Variants in ARHGAP8 observed in about 807,000 individuals in gnomAD.
The protein encoded by ARHGAP8 is Rho GTPase activating protein 8, also known as rho GTPase-activating protein 8.
ARHGAP8 carries 62 observed loss-of-function variants against 46.1 expected under a neutral mutation model. The ratio of observed to expected loss-of-function variants is 1.34; its 90% CI spans 1.10 to 1.66. The LOEUF (loss-of-function observed/expected upper bound fraction) is 1.66, where lower values mean the gene tolerates loss of function less well. ARHGAP8 is among the 40% of genes most tolerant of loss of function. The pLI is 0.00. For missense variants in ARHGAP8, 923 were observed against 568.4 expected (o/e 1.62, Z -6.34); for synonymous variants, 375 against 243.1 (o/e 1.54, Z -5.05).
Position 44,859,832 on chromosome 22 carries a change from G to A in ARHGAP8, c.979G>A (p.Ala327Thr), listed in dbSNP as rs769372407. 28 of 1,613,434 alleles carry A rather than the reference G, an allele frequency of 1.7e-5. No homozygotes were observed. The highest frequency in any genetic ancestry group is 4.0e-5 in the African/African-American group (3 of 75,048). ...VLRYLMGFLH[A>T]VSRESIFNKM... ...CCGCTACCTCATGGGCTTCCTGCAT[G>A]CGGTGAGTGGGGAAGGGGGGAGCTT... Residue 327 changes from alanine (A) to threonine (T), a missense_variant and splice_region_variant, in exon 11 of 12, where the codon GCG becomes ACG. By Grantham distance (58) the Ala-to-Thr change is moderately conservative. Transcript: ENST00000356099.
chr22:44,826,904 T>C (rs1930561215), intron 7 of ARHGAP8, among the ~76,000 whole-genome samples: 1 of 152,186 alleles, frequency 6.6e-6, no homozygotes, highest in Non-Finnish European at 1.5e-5. Flanking sequence ...TGTTTCTTTC[T>C]TGGCCAAGAG....
At chr22:44,853,654 T>A (rs918301388) in intron 10 of ARHGAP8, among the ~76,000 whole-genome samples, 3 of 152,214 alleles carry the variant, frequency 2.0e-5, no homozygotes, top group African/African-American at 7.2e-5. Flanking sequence ...TCTTTTTAAG[T>A]CTACCTTGCT....
intron 2 of ARHGAP8, among the ~76,000 whole-genome samples, chr22:44,790,404 C>T (rs1184574521): frequency 6.6e-6 from 1 of 151,856 alleles, no homozygotes; most frequent in Non-Finnish European, 1.5e-5. Flanking sequence ...ACCTACAGGC[C>T]ATGGTTCATG....
chr22:44,815,996 G>A (rs937115462), intron 5 of ARHGAP8, among the ~76,000 whole-genome samples: 18 of 152,318 alleles, frequency 1.2e-4, no homozygotes, highest in Middle Eastern at 3.4e-3. Context: ...AGGTGAGGTG[G>A]CTGCCTCTGT....
At position 44,796,081 on chromosome 22, in the gene ARHGAP8, C is replaced by G. The variant is rs554190960; in HGVS notation, c.80-5996C>G. 4.0e-3 allele frequency among the ~76,000 whole-genome samples: 612 copies of G among 152,296 alleles called. 1 individual carries two copies. Among genetic ancestry groups the G allele is most frequent in the African/African-American group, 0.014 (579 of 41,548 alleles). On this transcript the variant is annotated intron_variant, in intron 2 of 11. Coordinates refer to ENST00000356099, the MANE Select transcript of ARHGAP8 (RefSeq NM_181335.3). ...AGACCTCAGTCCTTGCCCTGGCGAC[C>G]TTGACCCTCCCTCCCATTTGGGTCC...
intron 1 of ARHGAP8, among the ~76,000 whole-genome samples, chr22:44,764,402 C>T (rs915970412): frequency 5.3e-5 from 8 of 152,246 alleles, no homozygotes; most frequent in African/African-American, 1.9e-4. Flanking sequence ...CAGCCACGTC[C>T]TGGTGCCATA....
At chr22:44,801,869 G>A (rs11704704) in intron 2 of ARHGAP8, 109,113 of 594,234 alleles carry the variant, frequency 0.18, 11,845 homozygotes, top group Middle Eastern at 0.27. Context: ...TATTTCCAGC[G>A]TACGGCTGGT....
intron 7 of ARHGAP8, among the ~76,000 whole-genome samples, chr22:44,829,104 C>T (rs1293159564): frequency 1.8e-5 from 2 of 113,264 alleles, no homozygotes; most frequent in East Asian, 2.6e-4. Flanking sequence ...GAAACCCTAT[C>T]TCTACTAAAA....
chr22:44,847,997 G>A lies in ARHGAP8; in HGVS notation c.695G>A (p.Arg232Gln), dbSNP rs370096078. ...GGCCTGCGCACCGAGGGCCTGTTCC[G>A]GAGATCCGCCAGCGTGCAGACCGTC... ...EKGLRTEGLF[R>Q]RSASVQTVRE... is the part of the protein sequence containing the mutation. The change falls in exon 9 of 12, where the codon CGG (arginine) becomes CAG (glutamine). Residue 232 changes from arginine (R) to glutamine (Q), a missense_variant. Physicochemically the swap from Arg to Gln is conservative, Grantham distance 43 (BLOSUM62 1). Transcript: ENST00000356099. 8.7e-6 allele frequency: 14 copies of A among 1,608,090 alleles called. No homozygotes were observed. The highest frequency in any genetic ancestry group is 7.7e-5 in the South Asian group (7 of 91,082).
At chr22:44,786,363 G>A (rs1286705315) in intron 1 of ARHGAP8, 94 bp from the exon 2 acceptor site, 2 of 1,478,600 alleles carry the variant, frequency 1.4e-6, no homozygotes, top group Non-Finnish European at 1.8e-6. Context: ...TGCAGCAGAG[G>A]TGGGTGACTG....
At chr22:44,859,651 C>G (rs893318006) in intron 10 of ARHGAP8, 80 bp from the exon 11 acceptor site, 2 of 1,490,532 alleles carry the variant, frequency 1.3e-6, no homozygotes, top group African/African-American at 1.4e-5. Context: ...CTTCCTACAC[C>G]CCTGTTCTCC....
At chr22:44,826,995 G>C (rs565622481) in intron 7 of ARHGAP8, among the ~76,000 whole-genome samples, 1 of 152,268 alleles carries the variant, frequency 6.6e-6, no homozygotes, top group South Asian at 2.1e-4. Context: ...CAGAACCTGT[G>C]ATTAGGTCAC....
In ARHGAP8 at chr22:44,862,541, C is replaced by CA; in HGVS notation, c.1249dup (p.Thr417AsnfsTer58). 6.2e-7 allele frequency: 1 copy of CA among 1,606,900 alleles called. No individual in the cohort carries two copies. The highest frequency in any genetic ancestry group is 8.5e-7 in the Non-Finnish European group (1 of 1,174,336). Reference sequence around the variant, plus strand: ...TGCCACGGACACAAGCCACGGGCCTCACCAAGCCTACCCTACCTCCGAGTC... The same window carrying CA: ...TGCCACGGACACAAGCCACGGGCCTCAACCAAGCCTACCCTACCTCCGAGTC... On this transcript the variant is annotated frameshift_variant, in exon 12 of 12. Transcript: ENST00000356099. LOFTEE classifies it low-confidence loss of function (END_TRUNC).
intron 3 of ARHGAP8, among the ~76,000 whole-genome samples, chr22:44,807,768 C>T (rs768182001): frequency 2.2e-4 from 34 of 152,340 alleles, no homozygotes; most frequent in African/African-American, 7.9e-4. Context: ...CCCTTCCTTG[C>T]CTGTCCAGCC....
intron 1 of ARHGAP8, among the ~76,000 whole-genome samples, chr22:44,783,494 G>A (rs1025861829): frequency 4.6e-5 from 7 of 152,274 alleles, no homozygotes; most frequent in African/African-American, 1.2e-4. Context: ...AGGCAGGCTC[G>A]ACTCAGGACA....
At position 44,756,671 on chromosome 22, in the gene ARHGAP8, C is replaced by A. The variant is rs953673278; in HGVS notation, c.-72+4044C>A. ...TCTCTCCCCTCCCTATTCCCCATATCATTTTAGAGTAGCTCCCAGACCTCA... is the reference window on the plus strand; with the variant it reads ...TCTCTCCCCTCCCTATTCCCCATATAATTTTAGAGTAGCTCCCAGACCTCA... On this transcript the variant is annotated intron_variant, in intron 1 of 11. Transcript: ENST00000356099. Among the ~76,000 whole-genome samples the A allele has an allele frequency of 2.0e-5, 3 of 150,314 alleles. 1 individual carries two copies. The highest frequency in any genetic ancestry group is 6.7e-5 in the Admixed American group (1 of 14,964).
chr22:44,856,743 A>G (rs1426894236), intron 10 of ARHGAP8, among the ~76,000 whole-genome samples: 1 of 143,956 alleles, frequency 6.9e-6, no homozygotes, highest in African/African-American at 2.8e-5. Flanking sequence ...ACAAAGGCAA[A>G]CAGTGACTCT....
chr22:44,858,148 G>A (rs1350742858), intron 10 of ARHGAP8, among the ~76,000 whole-genome samples: 1 of 152,220 alleles, frequency 6.6e-6, no homozygotes, highest in Non-Finnish European at 1.5e-5. Flanking sequence ...CAACAGGAAT[G>A]ATCATAGTGG....
rs758690967 is a variant in ARHGAP8 at position 44,862,482 on chromosome 22, CAG to C, written c.1190_1191del (p.Gln397ArgfsTer77). 9.3e-6 allele frequency: 15 copies of C among 1,612,960 alleles called. No individual in the cohort carries two copies. The Admixed American group carries it at 1.2e-4, about 13-fold the overall frequency. Reference sequence around the variant, plus strand: ...GGAGCACGGCCTGGCACCATGGGAACAGGGGAGCAGGGCAGCCCCTTTGCAGG... The same window carrying C: ...GGAGCACGGCCTGGCACCATGGGAACGGGAGCAGGGCAGCCCCTTTGCAGG... ...PGEHGLAPWE[Q>X]GSRAAPLQEA... On this transcript the variant is annotated frameshift_variant, in exon 12 of 12. Coordinates refer to ENST00000356099, the MANE Select transcript of ARHGAP8 (RefSeq NM_181335.3). LOFTEE classifies it low-confidence loss of function (END_TRUNC).
Sources: allele counts gnomAD v4.1 joint callset (sites outside exome capture counted in the v4.1 genomes callset), GRCh38; gene constraint gnomAD v4.1.1; transcripts MANE v1.5; gene names NCBI Gene and HGNC (gene_info 2026-07-23, HGNC 2026-07-21).